The following SINHCAF variants were observed in gnomAD, a reference collection of about 807,000 sequenced individuals.
The protein encoded by SINHCAF is SIN3-HDAC complex associated factor.
In SINHCAF, 3 loss-of-function variants were observed where a neutral mutation model predicts 25.8. That is an observed-to-expected ratio of 0.12 (90% CI 0.05 to 0.30). SINHCAF has a LOEUF of 0.30. SINHCAF is among the 10% of genes least tolerant of loss of function. The pLI is 1.00. For synonymous variants in SINHCAF, 70 were observed against 85.5 expected, an observed-to-expected ratio of 0.82 and a Z score of 1.00; for missense variants, 121 against 262.3, an observed-to-expected ratio of 0.46 and a Z score of 3.72.
chr12:31,294,532 CCA>C (rs1423253575), intron 3 of SINHCAF, among the ~76,000 whole-genome samples: 6 of 152,104 alleles, frequency 3.9e-5, no homozygotes, highest in Admixed American at 3.3e-4. Context: ...GCATGTTCTC[CCA>C]CAGTCTAGCC....
In SINHCAF at chr12:31,325,011, C is replaced by G; in HGVS notation, c.-21+1013G>C. 1 of 456,806 alleles carries G rather than the reference C, an allele frequency of 2.2e-6. No individual in the cohort carries two copies. Among genetic ancestry groups the G allele is most frequent in the Non-Finnish European group, 4.4e-6 (1 of 226,994 alleles). The allele number at this position is 456,806 out of a possible 1,614,324, so 28.3% of individuals were successfully genotyped here. A position where few individuals can be genotyped will look rare whatever the true frequency, so the allele number is the denominator to read the frequency against. On this transcript the variant is annotated intron_variant, in intron 1 of 5. Coordinates refer to ENST00000337682, the MANE Select transcript of SINHCAF (RefSeq NM_001135812.2). This position sits in a 1 kb window ranked among gnomAD's most constrained non-coding sequence, Gnocchi z 5.9. ...GCTCACGCGGGGCTGGACATTCGGA[C>G]AAGGACCAGGGTCGCAGCCCGAAGC...
intron 1 of SINHCAF, among the ~76,000 whole-genome samples, chr12:31,309,520 G>A (rs1265631453): frequency 1.3e-5 from 2 of 152,190 alleles, no homozygotes; most frequent in African/African-American, 4.8e-5. Context: ...ATAGTTTCAA[G>A]TAAAAGCTTA....
intron 3 of SINHCAF, 122 bp downstream of exon 3, chr12:31,295,112 T>C: frequency 1.6e-6 from 1 of 641,240 alleles, no homozygotes; most frequent in Non-Finnish European, 2.7e-6. Context: ...CAGCTAGTGT[T>C]TTTCTTTATT....
chr12:31,313,984 G>A (rs199957829), intron 1 of SINHCAF, among the ~76,000 whole-genome samples: 1 of 151,526 alleles, frequency 6.6e-6, no homozygotes, highest in African/African-American at 2.4e-5. Context: ...TTAAAAAAAA[G>A]AGAAAGAGAA....
At chr12:31,296,540 G>A (rs998465280) in intron 2 of SINHCAF, among the ~76,000 whole-genome samples, 10 of 151,998 alleles carry the variant, frequency 6.6e-5, no homozygotes, top group South Asian at 2.1e-4. Context: ...TTCCAGTTTC[G>A]CAGCAAACAA....
At chr12:31,302,739 G>A (rs2137103516) in intron 1 of SINHCAF, among the ~76,000 whole-genome samples, 1 of 152,186 alleles carries the variant, frequency 6.6e-6, no homozygotes, top group South Asian at 2.1e-4. Flanking sequence ...AAGTAAGTAT[G>A]TGGCTGAGCG....
chr12:31,312,862 T>C (rs1939330583), intron 1 of SINHCAF, among the ~76,000 whole-genome samples: 1 of 152,216 alleles, frequency 6.6e-6, no homozygotes, highest in Non-Finnish European at 1.5e-5. Context: ...ATAATCTCCA[T>C]TATTATCTTC....
intron 3 of SINHCAF, among the ~76,000 whole-genome samples, chr12:31,294,133 A>G (rs1355316955): frequency 6.6e-6 from 1 of 152,174 alleles, no homozygotes; most frequent in Non-Finnish European, 1.5e-5. Flanking sequence ...CTTTCCTGTG[A>G]AGTGGGTAAT....
intron 1 of SINHCAF, chr12:31,298,563 G>A (rs1938644948): frequency 6.7e-6 from 2 of 296,442 alleles, no homozygotes; most frequent in South Asian, 3.4e-5. Flanking sequence ...TAATGAAGCT[G>A]TACACAATTA....
At chr12:31,314,383 G>A (rs1291020875) in intron 1 of SINHCAF, among the ~76,000 whole-genome samples, 1 of 152,002 alleles carries the variant, frequency 6.6e-6, no homozygotes, top group African/African-American at 2.4e-5. Flanking sequence ...AAAAATAGCC[G>A]GGCGTGGTGG....
rs76644360 is a variant in SINHCAF, at chr12:31,288,878, A to T, written c.356-1094T>A. Among the ~76,000 whole-genome samples the T allele has an allele frequency of 4.6e-5, 7 of 152,338 alleles. No homozygotes were observed. The East Asian group carries it at 1.3e-3, about 29-fold the overall frequency. On this transcript the variant is annotated intron_variant, in intron 4 of 5. Coordinates refer to ENST00000337682, the MANE Select transcript of SINHCAF (RefSeq NM_001135812.2). ...AAGATTTTAAAGCAGCCACGACAAA[A>T]ATGCTTCAGTGAGCAATTATGAACA... is the stretch of plus-strand genomic sequence containing the variant.
intron 1 of SINHCAF, among the ~76,000 whole-genome samples, chr12:31,317,523 T>G (rs1209193227): frequency 6.6e-6 from 1 of 152,218 alleles, no homozygotes; most frequent in Admixed American, 6.5e-5. Flanking sequence ...ACAAACTTCT[T>G]TTTAAATTGG....
chr12:31,295,409 A>G lies in SINHCAF; in HGVS notation c.129-76T>C. On this transcript the variant is annotated intron_variant, in intron 2 of 5. Coordinates refer to ENST00000337682, the MANE Select transcript of SINHCAF (RefSeq NM_001135812.2). ...TCATGCAAGCACATTTCTTTTGGGG[A>G]AAAAACTGTATCTATGTATGGTTTA... 5 of 925,530 alleles carry G rather than the reference A, an allele frequency of 5.4e-6. No homozygotes were observed. In the South Asian group the frequency reaches 5.7e-5, roughly 11 times the overall value. 57.3% of individuals were successfully genotyped at this position (925,530 alleles called of 1,614,324 possible).
At chr12:31,311,620 G>C in intron 1 of SINHCAF, 1 of 368,078 alleles carries the variant, frequency 2.7e-6, no homozygotes, top group South Asian at 2.4e-5. Context: ...GCCAAGCATG[G>C]CGGCTGCCAA....
chr12:31,294,148 G>A (rs1443934923), intron 3 of SINHCAF, among the ~76,000 whole-genome samples: 1 of 152,028 alleles, frequency 6.6e-6, no homozygotes, highest in African/African-American at 2.4e-5. Flanking sequence ...GGTAATAGTG[G>A]GAGTCTATTG....
At chr12:31,306,983 C>T (rs1039395248) in intron 1 of SINHCAF, among the ~76,000 whole-genome samples, 1 of 152,202 alleles carries the variant, frequency 6.6e-6, no homozygotes, top group Admixed American at 6.5e-5. Context: ...AAGTAAGATA[C>T]ATCTGTAAAC....
chr12:31,316,506 CAA>C (rs1163541432), intron 1 of SINHCAF, among the ~76,000 whole-genome samples: 1 of 152,034 alleles, frequency 6.6e-6, no homozygotes, highest in African/African-American at 2.4e-5. Context: ...CACAATATAT[CAA>C]AGACACAAAA....
At chr12:31,296,928 G>C in intron 2 of SINHCAF, 2 of 397,660 alleles carry the variant, frequency 5.0e-6, no homozygotes, top group South Asian at 1.9e-5. Context: ...CCAGCTACTC[G>C]AGAGGCTCAG....
chr12:31,284,827 C>T (rs926810048), intron 5 of SINHCAF, among the ~76,000 whole-genome samples: 1 of 152,128 alleles, frequency 6.6e-6, no homozygotes, highest in African/African-American at 2.4e-5. Flanking sequence ...TTCCTAGTCC[C>T]AAAACACATT....
Sources: gnomAD v4.1 joint callset for allele counts (sites outside exome capture counted in the v4.1 genomes callset) on GRCh38, gnomAD v4.1.1 for gene constraint, Gnocchi (gnomAD v3.1) non-coding constraint, MANE v1.5 for transcripts, NCBI Gene and HGNC (gene_info 2026-07-23, HGNC 2026-07-21) for gene names.